Variants in FRAS1 observed in about 807,000 individuals in gnomAD.
FRAS1 encodes the protein Fraser extracellular matrix complex subunit 1.
FRAS1 carries 290 observed loss-of-function variants against 435.2 expected under a neutral mutation model. The ratio of observed to expected loss-of-function variants is 0.67; its 90% confidence interval spans 0.61 to 0.73. The LOEUF (loss-of-function observed/expected upper bound fraction) is 0.73. FRAS1 is among the 30% of genes least tolerant of loss of function. The pLI, the probability that FRAS1 is intolerant of heterozygous loss-of-function variation, is 0.00. For synonymous variants in FRAS1, 1,800 were observed against 1,851.0 expected (o/e 0.97, Z 0.71); for missense variants, 4,860 against 5,001.5 (o/e 0.97, Z 0.85).
intron 2 of FRAS1, among the ~76,000 whole-genome samples, chr4:78,128,498 A>G (rs549071786): frequency 3.9e-5 from 6 of 152,288 alleles, no homozygotes; most frequent in South Asian, 2.1e-4. Flanking sequence ...TTTCTCTGAT[A>G]GCCAGTGATG....
intron 2 of FRAS1, chr4:78,180,997 C>G (rs1721975574): frequency 6.2e-7 from 1 of 1,610,174 alleles, no homozygotes; most frequent in Non-Finnish European, 8.5e-7. Context: ...CCGCCACGTC[C>G]TGGGCGGCCA....
chr4:78,374,373 TAGCCTAAG>T, intron 25 of FRAS1, 122 bp downstream of exon 25: 3 of 959,902 alleles, frequency 3.1e-6, no homozygotes, highest in Non-Finnish European at 4.5e-6. Context: ...CCAGAGGGCT[TAGCCTAAG>T]TAATTGATGG....
At chr4:78,091,982 A>AAG (rs1332267766) in intron 2 of FRAS1, among the ~76,000 whole-genome samples, 1 of 148,980 alleles carries the variant, frequency 6.7e-6, no homozygotes, top group Non-Finnish European at 1.5e-5. Flanking sequence ...CTGTCTCAAA[A>AAG]AAAAAAAAAA....
rs148042277 is a variant in FRAS1 at position 78,472,249 on chromosome 4, T to A, written c.7441T>A (p.Tyr2481Asn). 3.0e-5 allele frequency: 48 copies of A among 1,613,874 alleles called. No homozygotes were observed. In the East Asian group the frequency reaches 1.1e-3, roughly 36 times the overall value. ...DPDTEDAQLV[Y>N]EITTGPKHGF... is the part of the protein sequence containing the mutation. ...AGACACCGAGGACGCGCAGCTTGTC[T>A]ATGAGATAACGACGGGCCCTAAGCA... The change falls in exon 52 of 74, where the codon TAT becomes AAT. Residue 2481 changes from tyrosine to asparagine, a missense_variant. Tyr to Asn is a moderately radical substitution (Grantham distance 143, BLOSUM62 -2). Coordinates refer to ENST00000512123, the MANE Select transcript of FRAS1 (RefSeq NM_025074.7).
At chr4:78,313,011 G>A (rs1729096516) in intron 15 of FRAS1, among the ~76,000 whole-genome samples, 1 of 152,162 alleles carries the variant, frequency 6.6e-6, no homozygotes, top group African/African-American at 2.4e-5. Context: ...CCCTCTGGGT[G>A]TAACTTTAGG....
At position 78,318,892 on chromosome 4, in the gene FRAS1, A is replaced by G; in HGVS notation, c.2043A>G (p.Gln681=). The change falls in exon 18 of 74, where the codon CAA becomes CAG. Residue 681 remains glutamine, a synonymous_variant. Transcript: ENST00000512123. ...TGCKKPEEGL[Q]VEQLSDVGIP... ...GTAAGAAGCCAGAGGAAGGACTGCA[A>G]GTGGAGCAGCTGTCTGACGTGGGCA... is the stretch of plus-strand genomic sequence containing the variant. The G allele has an allele frequency of 6.2e-7, 1 of 1,613,970 alleles. No individual in the cohort carries two copies. Among genetic ancestry groups the G allele is most frequent in the Non-Finnish European group, 8.5e-7 (1 of 1,179,860 alleles).
At chr4:78,266,381 A>T (rs1381441716) in intron 7 of FRAS1, among the ~76,000 whole-genome samples, 1 of 151,980 alleles carries the variant, frequency 6.6e-6, no homozygotes, top group Non-Finnish European at 1.5e-5. Context: ...TTTTACTTTG[A>T]CCTCCACCAC....
intron 61 of FRAS1, 98 bp from the exon 62 acceptor site, chr4:78,507,323 A>G: frequency 1.9e-6 from 2 of 1,036,750 alleles, no homozygotes; most frequent in Admixed American, 3.1e-5. Context: ...AAGAAAGAAC[A>G]TATTTTAACA....
intron 4 of FRAS1, among the ~76,000 whole-genome samples, chr4:78,250,040 A>G (rs1435583813): frequency 2.0e-5 from 3 of 152,264 alleles, no homozygotes; most frequent in South Asian, 2.1e-4. Context: ...GTAGTCAAAT[A>G]TATATAATTT....
At chr4:78,367,670 A>G (rs149995526) in intron 22 of FRAS1, among the ~76,000 whole-genome samples, 1 of 152,076 alleles carries the variant, frequency 6.6e-6, no homozygotes, top group African/African-American at 2.4e-5. Context: ...CTGCTATCTA[A>G]GCAGGTCTTC....
At chr4:78,528,514 CA>C (rs1721612618) in intron 70 of FRAS1, among the ~76,000 whole-genome samples, 1 of 152,080 alleles carries the variant, frequency 6.6e-6, no homozygotes, top group African/African-American at 2.4e-5. Flanking sequence ...TGACATCATA[CA>C]ATGTGAATTC....
At chr4:78,060,132 A>G (rs1739690729) in intron 1 of FRAS1, among the ~76,000 whole-genome samples, 1 of 150,014 alleles carries the variant, frequency 6.7e-6, no homozygotes, top group African/African-American at 2.4e-5. Flanking sequence ...CTCTTTGCTA[A>G]GCACTTTACA....
At chr4:78,320,794 A>G (rs1729472977) in intron 18 of FRAS1, among the ~76,000 whole-genome samples, 1 of 152,110 alleles carries the variant, frequency 6.6e-6, no homozygotes. Context: ...CCACAGAGGA[A>G]TTAGACCTCC....
At chr4:78,518,630 A>G (rs950742374) in intron 66 of FRAS1, among the ~76,000 whole-genome samples, 5 of 152,118 alleles carry the variant, frequency 3.3e-5, no homozygotes, top group East Asian at 1.9e-4. Flanking sequence ...GATTGGGCCA[A>G]ATTAAAAGCA....
At chr4:78,208,887 A>G (rs1408722888) in intron 2 of FRAS1, among the ~76,000 whole-genome samples, 2 of 152,178 alleles carry the variant, frequency 1.3e-5, no homozygotes, top group African/African-American at 4.8e-5. Context: ...CTGTAATCCC[A>G]GCACTTTGGG....
intron 20 of FRAS1, among the ~76,000 whole-genome samples, chr4:78,358,599 A>G (rs1641461082): frequency 6.6e-6 from 1 of 152,212 alleles, no homozygotes; most frequent in South Asian, 2.1e-4. Context: ...TGTTTATAAT[A>G]ATTAATATTT....
In FRAS1 at chr4:78,370,046, T is replaced by C; in HGVS notation, c.2869+62T>C. ...CACAGTGATACCACTTTACTACTGA[T>C]GTCTAGTTTTCCATATTGGGAAAAC... On this transcript the variant is annotated intron_variant, in intron 23 of 73. Transcript: ENST00000512123. The C allele has an allele frequency of 2.6e-6, 4 of 1,509,588 alleles. 1 individual carries two copies. In the South Asian group the frequency reaches 5.1e-5, roughly 19 times the overall value. The allele number at this position is 1,509,588 out of a possible 1,614,324, so 93.5% of individuals were successfully genotyped here.
intron 2 of FRAS1, among the ~76,000 whole-genome samples, chr4:78,131,237 T>A (rs1483848946): frequency 1.3e-5 from 2 of 152,288 alleles, no homozygotes; most frequent in East Asian, 3.9e-4. Context: ...TTTAATCACA[T>A]GTGATTTGAG....
chr4:78,082,425 A>G (rs1740938783), intron 2 of FRAS1, among the ~76,000 whole-genome samples: 1 of 152,128 alleles, frequency 6.6e-6, no homozygotes, highest in African/African-American at 2.4e-5. Flanking sequence ...GTGTTAAGTA[A>G]TTTCCTTTGG....
Sources: gnomAD v4.1 joint callset for allele counts (sites outside exome capture counted in the v4.1 genomes callset) on GRCh38, gnomAD v4.1.1 for gene constraint, MANE v1.5 for transcripts, NCBI Gene and HGNC (gene_info 2026-07-23, HGNC 2026-07-21) for gene names.